SYN3: variants seen among roughly 807,000 people sequenced by gnomAD.
SYN3 encodes synapsin-3.
A neutral mutation model predicts 65.8 loss-of-function variants in SYN3; 35 were observed. The ratio of observed to expected loss-of-function variants is 0.53; its 90% CI spans 0.41 to 0.70. The LOEUF is 0.70. SYN3 is among the 30% of genes least tolerant of loss of function. SYN3 has a pLI of 0.00. For missense variants in SYN3, 680 were observed against 749.0 expected (o/e 0.91, Z 1.08); for synonymous variants, 270 against 292.9 (o/e 0.92, Z 0.80).
intron 5 of SYN3, among the ~76,000 whole-genome samples, 160 bp from the exon 6 acceptor site, chr22:32,865,164 G>A (rs1429442066): frequency 6.6e-6 from 1 of 152,116 alleles, no homozygotes; most frequent in African/African-American, 2.4e-5. Flanking sequence ...TCCTTGGCTG[G>A]ACATTCATCC....
intron 2 of SYN3, among the ~76,000 whole-genome samples, chr22:33,000,177 G>A (rs2053016630): frequency 6.6e-6 from 1 of 152,106 alleles, no homozygotes. Context: ...ACAAGCCTAG[G>A]CAACACAGTG....
intron 7 of SYN3, among the ~76,000 whole-genome samples, chr22:32,549,024 G>A (rs1002106868): frequency 1.3e-5 from 2 of 152,054 alleles, no homozygotes; most frequent in Non-Finnish European, 2.9e-5. Context: ...ATGTTGGGAT[G>A]GTCCTCTGGC....
chr22:32,750,416 G>A (rs1044516975), intron 6 of SYN3, among the ~76,000 whole-genome samples: 2 of 152,128 alleles, frequency 1.3e-5, no homozygotes, highest in African/African-American at 2.4e-5. Context: ...CGACAGCCAG[G>A]GCTTCATATC....
intron 6 of SYN3, among the ~76,000 whole-genome samples, chr22:32,742,871 A>C (rs772145778): frequency 1.1e-4 from 16 of 152,208 alleles, no homozygotes; most frequent in Non-Finnish European, 1.9e-4. Context: ...AGCTCACACG[A>C]ATAGCTATAA....
intron 6 of SYN3, among the ~76,000 whole-genome samples, chr22:32,807,043 T>TTAATATATATATAATATAATA (rs1465961658): frequency 9.2e-5 from 14 of 151,406 alleles, no homozygotes; most frequent in African/African-American, 3.4e-4. Flanking sequence ...ATCTTTCTAC[T>TTAATATATATATAATATAATA]TAATATATAT....
chr22:32,969,602 C>T (rs1384427190), intron 3 of SYN3, among the ~76,000 whole-genome samples: 2 of 152,110 alleles, frequency 1.3e-5, no homozygotes, highest in Admixed American at 6.5e-5. Flanking sequence ...AGCAGGGACC[C>T]AGGAGATGAA....
chr22:32,982,522 T>C (rs1248911736), intron 2 of SYN3, among the ~76,000 whole-genome samples: 1 of 152,218 alleles, frequency 6.6e-6, no homozygotes, highest in African/African-American at 2.4e-5. Flanking sequence ...AGCACCCTAA[T>C]CCTGACCTAT....
intron 6 of SYN3, 115 bp from the exon 7 acceptor site, chr22:32,596,851 C>G (rs2059207555): frequency 2.8e-6 from 3 of 1,079,216 alleles, no homozygotes; most frequent in African/African-American, 1.6e-5. Flanking sequence ...GGAATCCCCA[C>G]AAGAATGCTT....
Position 32,510,311 on chromosome 22 carries a change from G to A in SYN3, c.*3381C>T, listed in dbSNP as rs929092156. 1.3e-5 allele frequency among the ~76,000 whole-genome samples: 2 copies of A among 152,166 alleles called. No individual in the cohort carries two copies. Among genetic ancestry groups the A allele is most frequent in the Non-Finnish European group, 2.9e-5 (2 of 68,042 alleles). ...TTCTGGGTCCTGTGACCAGAAATTCGGACTCCTTTAGTCCGACATGAAGCT... is the reference window on the plus strand; with the variant it reads ...TTCTGGGTCCTGTGACCAGAAATTCAGACTCCTTTAGTCCGACATGAAGCT... On this transcript the variant is annotated 3_prime_UTR_variant, in exon 14 of 14. Transcript: ENST00000358763.
At chr22:32,711,863 G>A (rs2060970734) in intron 6 of SYN3, among the ~76,000 whole-genome samples, 1 of 152,176 alleles carries the variant, frequency 6.6e-6, no homozygotes, top group Non-Finnish European at 1.5e-5. Flanking sequence ...TGGTCTGTGG[G>A]CCAGGGGCAG....
intron 7 of SYN3, among the ~76,000 whole-genome samples, chr22:32,579,051 T>A (rs189168892): frequency 1.8e-4 from 28 of 152,346 alleles, no homozygotes; most frequent in Admixed American, 3.9e-4. Context: ...CTATGTTTCA[T>A]ATGTGTAAAT....
rs568664946 is a variant in SYN3 at position 32,995,554 on chromosome 22, G to C, written c.311+10798C>G. ...ATCCTTCCTCCACGTGGCACAGGTG[G>C]ACGCAGCATGTCCTGATCACCACAG... On this transcript the variant is annotated intron_variant, in intron 2 of 13. Coordinates refer to ENST00000358763, the MANE Select transcript of SYN3 (RefSeq NM_003490.4). Among the ~76,000 whole-genome samples the C allele has an allele frequency of 7.8e-4, 119 of 152,258 alleles. 1 individual carries two copies. The highest frequency in any genetic ancestry group is 2.7e-3 in the African/African-American group (113 of 41,538).
chr22:32,952,285 TGTG>T (rs1472011367), intron 3 of SYN3, among the ~76,000 whole-genome samples: 3 of 147,810 alleles, frequency 2.0e-5, no homozygotes, highest in Non-Finnish European at 4.5e-5. Flanking sequence ...ATGTGAATAA[TGTG>T]TGTGTGGGGG....
In SYN3 at chr22:32,743,925, A is replaced by G. The variant is rs185681389; in HGVS notation, c.711+120990T>C. On this transcript the variant is annotated intron_variant, in intron 6 of 13. Transcript: ENST00000358763. ...CCCAGCTCTGGACTCAAACAGACCT[A>G]GGTTTGAATCCTGACTCATCACTAC... is the stretch of plus-strand genomic sequence containing the variant. 2.2e-3 allele frequency among the ~76,000 whole-genome samples: 339 copies of G among 152,220 alleles called. 2 individuals carry two copies. Among genetic ancestry groups the G allele is most frequent in the Middle Eastern group, 3.4e-3 (1 of 294 alleles).
At chr22:33,038,703 C>T (rs1176387488) in intron 1 of SYN3, among the ~76,000 whole-genome samples, 8 of 152,162 alleles carry the variant, frequency 5.3e-5, no homozygotes, top group South Asian at 2.1e-4. Context: ...AGAAATCCAA[C>T]GTTCCTGGAG....
At chr22:32,700,099 T>C (rs1231808838) in intron 6 of SYN3, among the ~76,000 whole-genome samples, 12 of 152,226 alleles carry the variant, frequency 7.9e-5, no homozygotes. Context: ...AAATTTTGTA[T>C]ACGGTCTCTG....
At chr22:32,620,873 C>A (rs1172166037) in intron 6 of SYN3, among the ~76,000 whole-genome samples, 4 of 152,120 alleles carry the variant, frequency 2.6e-5, no homozygotes, top group Non-Finnish European at 4.4e-5. Context: ...GCACGCGCCA[C>A]CAAGTCCAGC....
chr22:32,765,677 C>T (rs371039059), intron 6 of SYN3, among the ~76,000 whole-genome samples: 2 of 151,934 alleles, frequency 1.3e-5, no homozygotes, highest in African/African-American at 4.8e-5. Flanking sequence ...CTGGCAGGAG[C>T]GGGAGGCCTG....
chr22:32,523,822 G>A (rs577453088), intron 12 of SYN3, among the ~76,000 whole-genome samples: 8 of 152,336 alleles, frequency 5.3e-5, no homozygotes, highest in South Asian at 2.1e-4. Context: ...GCACCAGAAA[G>A]TTAGCTAAGT....
Sources: gnomAD v4.1 joint callset for allele counts (sites outside exome capture counted in the v4.1 genomes callset) on GRCh38, gnomAD v4.1.1 for gene constraint, MANE v1.5 for transcripts, NCBI Gene and HGNC (gene_info 2026-07-23, HGNC 2026-07-21) for gene names.